HTR3B: variants seen among roughly 807,000 people sequenced by gnomAD.
HTR3B encodes the protein 5-hydroxytryptamine receptor 3B, also known as 5-hydroxytryptamine (serotonin) receptor 3B, ionotropic.
A neutral mutation model predicts 42.8 loss-of-function variants in HTR3B; 44 were observed. The ratio of observed to expected loss-of-function variants is 1.03; its 90% CI spans 0.81 to 1.32. HTR3B has a LOEUF of 1.32. Among genes scored for constraint, HTR3B ranks in the 40% most tolerant of loss-of-function variants. The pLI is 0.00. For missense variants in HTR3B, 527 were observed against 536.5 expected (o/e 0.98, Z 0.17); for synonymous variants, 203 against 209.0 (o/e 0.97, Z 0.25).
chr11:113,903,987 G>T (rs767215300), upstream of HTR3B, among the ~76,000 whole-genome samples: 1 of 151,992 alleles, frequency 6.6e-6, no homozygotes, highest in Non-Finnish European at 1.5e-5. Context: ...TCCCCCCTTC[G>T]GTTGGCTCTG....
chr11:113,915,792 G>A (rs547673580), intron 2 of HTR3B, among the ~76,000 whole-genome samples: 2 of 152,304 alleles, frequency 1.3e-5, no homozygotes, highest in South Asian at 4.1e-4. Context: ...TAATGTGTGA[G>A]AGCTTCAGTT....
At chr11:113,919,190 C>T (rs1262575377) in intron 2 of HTR3B, among the ~76,000 whole-genome samples, 2 of 151,884 alleles carry the variant, frequency 1.3e-5, no homozygotes, top group East Asian at 3.8e-4. Flanking sequence ...TAGGAATTTC[C>T]ATATTCATCA....
intron 6 of HTR3B, among the ~76,000 whole-genome samples, chr11:113,940,930 C>T (rs1030290674): frequency 1.3e-5 from 2 of 152,228 alleles, no homozygotes; most frequent in African/African-American, 4.8e-5. Flanking sequence ...TTGTAGCTAT[C>T]TTGTCCCGGG....
upstream of HTR3B, among the ~76,000 whole-genome samples, chr11:113,900,065 G>A (rs545092041): frequency 3.9e-5 from 6 of 152,182 alleles, no homozygotes; most frequent in East Asian, 1.9e-4. Context: ...TCAGGAGTTC[G>A]AGACTAGCCT....
At chr11:113,928,504 AG>A (rs1949998288) in intron 2 of HTR3B, among the ~76,000 whole-genome samples, 1 of 152,072 alleles carries the variant, frequency 6.6e-6, no homozygotes, top group Non-Finnish European at 1.5e-5. Flanking sequence ...CATGTTCTCA[AG>A]GTTCATCCAT....
intron 2 of HTR3B, among the ~76,000 whole-genome samples, chr11:113,921,393 C>T (rs886957532): frequency 3.3e-5 from 5 of 152,124 alleles, no homozygotes; most frequent in Non-Finnish European, 7.4e-5. Context: ...ATCTGCCCGC[C>T]TCAGCCTCCC....
chr11:113,903,886 T>C (rs898821231), upstream of HTR3B, among the ~76,000 whole-genome samples: 8 of 152,156 alleles, frequency 5.3e-5, no homozygotes, highest in Non-Finnish European at 8.8e-5. Flanking sequence ...TAGGCTACAT[T>C]TTATTGGTAG....
At chr11:113,927,032 C>T (rs1292230495) in intron 2 of HTR3B, among the ~76,000 whole-genome samples, 3 of 152,146 alleles carry the variant, frequency 2.0e-5, no homozygotes, top group Non-Finnish European at 4.4e-5. Flanking sequence ...TTTTCATGTG[C>T]TTATTGGCCA....
Position 113,947,900 on chromosome 11 carries a change from A to T in HTR3B, c.*1763A>T, listed in dbSNP as rs574165118. On this transcript the variant is annotated 3_prime_UTR_variant, in exon 9 of 9. Coordinates refer to ENST00000260191, the MANE Select transcript of HTR3B (RefSeq NM_006028.5). ...ACCTGCTGACAGTCTTAACGCTGTCAGTAGAAGACACAAAAGTCCAAAAGC... is the reference window on the plus strand; with the variant it reads ...ACCTGCTGACAGTCTTAACGCTGTCTGTAGAAGACACAAAAGTCCAAAAGC... Among the ~76,000 whole-genome samples, 2 of 152,314 alleles carry T rather than the reference A, an allele frequency of 1.3e-5. No individual in the cohort carries two copies. The highest frequency in any genetic ancestry group is 4.8e-5 in the African/African-American group (2 of 41,550).
chr11:113,918,091 A>G (rs1315941170), intron 2 of HTR3B, among the ~76,000 whole-genome samples: 1 of 152,142 alleles, frequency 6.6e-6, no homozygotes, highest in Non-Finnish European at 1.5e-5. Context: ...TCTTATAACA[A>G]TATATAGTTA....
chr11:113,901,317 C>T (rs1949696317), upstream of HTR3B, among the ~76,000 whole-genome samples: 1 of 151,880 alleles, frequency 6.6e-6, no homozygotes, highest in South Asian at 2.1e-4. Context: ...GTGGCACACA[C>T]ATATACTCCC....
At chr11:113,942,146 G>T (rs975896631) in intron 6 of HTR3B, among the ~76,000 whole-genome samples, 1 of 152,280 alleles carries the variant, frequency 6.6e-6, no homozygotes, top group East Asian at 1.9e-4. Flanking sequence ...GAGGCAGGGG[G>T]ATCACCTGAG....
In HTR3B at chr11:113,947,491, T is replaced by C. The variant is rs544132680; in HGVS notation, c.*1354T>C. Among the ~76,000 whole-genome samples, 1 of 152,336 alleles carries C rather than the reference T, an allele frequency of 6.6e-6. No individual in the cohort carries two copies. The highest frequency in any genetic ancestry group is 2.1e-4 in the South Asian group (1 of 4,830). On this transcript the variant is annotated 3_prime_UTR_variant, in exon 9 of 9. Transcript: ENST00000260191. The stretch of plus-strand genomic sequence containing the variant: ...TTTATTTTCTCACCAGTCTGGAAGC[T>C]AGAAGCCTAAGATCAAGGTGCAAAC...
At chr11:113,941,099 C>G (rs1026210892) in intron 6 of HTR3B, among the ~76,000 whole-genome samples, 1 of 152,208 alleles carries the variant, frequency 6.6e-6, no homozygotes, top group Non-Finnish European at 1.5e-5. Context: ...ATAAATCACA[C>G]CATATGTGTG....
At chr11:113,929,153 T>A (rs560736004) in intron 2 of HTR3B, among the ~76,000 whole-genome samples, 1 of 152,294 alleles carries the variant, frequency 6.6e-6, no homozygotes, top group Non-Finnish European at 1.5e-5. Context: ...GGGTTCCAAT[T>A]TCTCCCCATC....
intron 1 of HTR3B, among the ~76,000 whole-genome samples, chr11:113,908,817 A>G (rs1391606742): frequency 6.6e-6 from 1 of 152,220 alleles, no homozygotes; most frequent in African/African-American, 2.4e-5. Flanking sequence ...CTAGAAATCT[A>G]TACAAGTTTT....
At position 113,932,290 on chromosome 11, in the gene HTR3B, G is replaced by A. The variant is rs1950043375; in HGVS notation, c.370G>A (p.Val124Met). The part of the protein sequence containing the change: ...WAPDIIINEF[V>M]DIERYPDLPY... ...CAAGTTCTCTTGTGTTTCATATAGT[G>A]TGGACATTGAAAGATACCCTGACCT... The change falls in exon 5 of 9, where the codon GTG (valine) becomes ATG (methionine). Residue 124 changes from valine to methionine, a missense_variant and splice_region_variant. Val to Met is a conservative substitution (Grantham distance 21, BLOSUM62 1). Coordinates refer to ENST00000260191, the MANE Select transcript of HTR3B (RefSeq NM_006028.5). 1 of 1,610,392 alleles carries A rather than the reference G, an allele frequency of 6.2e-7. No homozygotes were observed.
chr11:113,904,857 A>C lies in HTR3B; in HGVS notation c.-77A>C, dbSNP rs1441894957. 1.8e-6 allele frequency: 2 copies of C among 1,124,158 alleles called. No homozygotes were observed. Among genetic ancestry groups the C allele is most frequent in the Non-Finnish European group, 2.7e-6 (2 of 734,008 alleles). 69.6% of individuals were successfully genotyped at this position (1,124,158 alleles called of 1,614,324 possible). ...AAGGAGGAGAACAGAGTGGAGAGGA[A>C]CCCTGTTAGGAGAAATTGAGCGGCA... On this transcript the variant is annotated 5_prime_UTR_variant, in exon 1 of 9. Coordinates refer to ENST00000260191, the MANE Select transcript of HTR3B (RefSeq NM_006028.5).
In HTR3B at chr11:113,947,709, G is replaced by A. The variant is rs1031588763; in HGVS notation, c.*1572G>A. Among the ~76,000 whole-genome samples, 3 of 152,082 alleles carry A rather than the reference G, an allele frequency of 2.0e-5. No individual in the cohort carries two copies. Among genetic ancestry groups the A allele is most frequent in the Admixed American group, 6.6e-5 (1 of 15,260 alleles). Reference sequence around the variant, plus strand: ...TTTAACCTTAATCACTTTTTTCAAGGCCCTATGTTCAAACAGTCATATTCT... The same window carrying A: ...TTTAACCTTAATCACTTTTTTCAAGACCCTATGTTCAAACAGTCATATTCT... On this transcript the variant is annotated 3_prime_UTR_variant, in exon 9 of 9. Coordinates refer to ENST00000260191, the MANE Select transcript of HTR3B (RefSeq NM_006028.5).
Sources: allele counts gnomAD v4.1 joint callset (sites outside exome capture counted in the v4.1 genomes callset), GRCh38; gene constraint gnomAD v4.1.1; transcripts MANE v1.5; gene names NCBI Gene and HGNC (gene_info 2026-07-23, HGNC 2026-07-21).